The following CCDC7 variants were observed in gnomAD, a reference collection of about 807,000 sequenced individuals.
CCDC7 encodes coiled-coil domain-containing protein 7.
A neutral mutation model predicts 196.9 loss-of-function variants in CCDC7; 183 were observed. That is an observed-to-expected ratio of 0.93 (90% confidence interval 0.82 to 1.05). The LOEUF is 1.05. Among genes scored for constraint, CCDC7 ranks in the 50% least tolerant of loss-of-function variants. CCDC7 has a pLI of 0.00. For missense variants in CCDC7, 1,540 were observed against 1,482.2 expected (o/e 1.04, Z -0.64); for synonymous variants, 525 against 484.6 (o/e 1.08, Z -1.10).
At chr10:32,814,540 A>T in intron 31 of CCDC7, 87 bp downstream of exon 32, 5 of 901,694 alleles carry the variant, frequency 5.5e-6, no homozygotes, top group Non-Finnish European at 8.8e-6. Flanking sequence ...TAAGGAGAAC[A>T]GTGCCTATGA....
chr10:32,716,168 C>A (rs2081542732), intron 25 of CCDC7, among the ~76,000 whole-genome samples: 1 of 152,128 alleles, frequency 6.6e-6, no homozygotes. Flanking sequence ...GTCAGGTTAC[C>A]CACAAAGGGA....
intron 5 of CCDC7, among the ~76,000 whole-genome samples, chr10:32,467,392 G>A (rs1244363270): frequency 7.9e-5 from 12 of 151,986 alleles, no homozygotes; most frequent in African/African-American, 2.9e-4. Context: ...GATTACAGGC[G>A]TGAGCCACTG....
chr10:32,561,826 C>T lies in CCDC7; in HGVS notation c.1135-3732C>T, dbSNP rs1296060218. ...AGAGCAGAACTGAAGGAAATAGAGA[C>T]ACAAAAAACCCTTCAAAAAATTAGT... On this transcript the variant is annotated intron_variant, in intron 13 of 41. Coordinates refer to ENST00000639629, the Ensembl canonical transcript of CCDC7. 2.6e-5 allele frequency among the ~76,000 whole-genome samples: 4 copies of T among 151,988 alleles called. No individual in the cohort carries two copies. The South Asian group carries it at 6.2e-4, about 24-fold the overall frequency.
At chr10:32,730,550 AAAT>A (rs1298906493) in intron 28 of CCDC7, among the ~76,000 whole-genome samples, 33 of 151,950 alleles carry the variant, frequency 2.2e-4, no homozygotes, top group Non-Finnish European at 3.2e-4. Flanking sequence ...GTAGTAAATA[AAAT>A]AATAATGTTT....
intron 18 of CCDC7, chr10:32,623,871 A>G (rs2063683753): frequency 4.5e-6 from 2 of 442,714 alleles, no homozygotes; most frequent in African/African-American, 4.0e-5. Context: ...GTGAACAACC[A>G]GATTTCGCCT....
chr10:32,728,939 G>A (rs764475164), exon 27 of CCDC7: 7 of 1,609,732 alleles, frequency 4.3e-6, no homozygotes, highest in Admixed American at 3.3e-5. Context: ...AAGATTCAAA[G>A]TCAAAACTCC....
chr10:32,675,876 A>G (rs1243505293), intron 21 of CCDC7: 1 of 152,014 alleles, frequency 6.6e-6, no homozygotes, highest in Non-Finnish European at 1.5e-5. Flanking sequence ...CAGAATTGGA[A>G]AAAACTACTT....
intron 33 of CCDC7, among the ~76,000 whole-genome samples, chr10:32,840,067 T>TA (rs1441784379): frequency 6.6e-6 from 1 of 151,808 alleles, no homozygotes; most frequent in East Asian, 1.9e-4. Context: ...AGAGCACAAA[T>TA]AGACAATCTA....
At chr10:32,880,243 T>C (rs2094740678), downstream of CCDC7, among the ~76,000 whole-genome samples, 1 of 152,170 alleles carries the variant, frequency 6.6e-6, no homozygotes, top group Non-Finnish European at 1.5e-5. Context: ...TAATCGCCAT[T>C]CTGACTGGTG....
At chr10:32,823,427 A>G (rs543303358) in intron 31 of CCDC7, among the ~76,000 whole-genome samples, 2 of 152,316 alleles carry the variant, frequency 1.3e-5, no homozygotes, top group African/African-American at 4.8e-5. Context: ...GGCATGAGCC[A>G]CTGCACCTGG....
chr10:32,689,033 A>G lies in CCDC7; in HGVS notation c.2234-20A>G. On this transcript the variant is annotated intron_variant, in intron 22 of 41. Coordinates refer to ENST00000639629, the Ensembl canonical transcript of CCDC7. ...GGATTTATTTGTAATTTAGCGGACT[A>G]AACACATCTTTTTCTGTAGCTCCTG... The G allele has an allele frequency of 6.9e-7, 1 of 1,440,436 alleles. No homozygotes were observed. The highest frequency in any genetic ancestry group is 9.7e-7 in the Non-Finnish European group (1 of 1,026,912). The allele number at this position is 1,440,436 out of a possible 1,614,324, so 89.2% of individuals were successfully genotyped here.
chr10:32,763,237 C>G (rs898991729), intron 28 of CCDC7, among the ~76,000 whole-genome samples: 1 of 151,792 alleles, frequency 6.6e-6, no homozygotes. Context: ...ATGAAACATA[C>G]AAATGGTCAA....
chr10:32,747,779 G>A (rs1256817264), intron 28 of CCDC7, among the ~76,000 whole-genome samples: 3 of 152,160 alleles, frequency 2.0e-5, no homozygotes, highest in South Asian at 2.1e-4. Flanking sequence ...AATTAGTTCA[G>A]CCACTCTGGG....
chr10:32,693,447 T>C (rs562080152), intron 23 of CCDC7, among the ~76,000 whole-genome samples: 16 of 152,274 alleles, frequency 1.1e-4, no homozygotes, highest in South Asian at 4.1e-4. Flanking sequence ...GGCATTCAAG[T>C]TTTCCCCTTC....
At chr10:32,730,794 T>A (rs1279900664) in intron 28 of CCDC7, among the ~76,000 whole-genome samples, 2 of 151,982 alleles carry the variant, frequency 1.3e-5, no homozygotes, top group Non-Finnish European at 2.9e-5. Flanking sequence ...AGATGAGGTA[T>A]TAGATGAAAA....
rs555746814 is a variant in CCDC7, at chr10:32,693,144, G to C, written c.2345-1735G>C. Among the ~76,000 whole-genome samples the C allele has an allele frequency of 3.3e-5, 5 of 152,142 alleles. No individual in the cohort carries two copies. In the South Asian group the frequency reaches 1.0e-3, roughly 32 times the overall value. On this transcript the variant is annotated intron_variant, in intron 23 of 41. Coordinates refer to ENST00000639629, the Ensembl canonical transcript of CCDC7. ...TTACTGCTTTTATTTTTTCTTCAAT[G>C]ATTTCATTTCATTATTTCCTTTTAA...
chr10:32,460,562 C>G (rs574996043), intron 3 of CCDC7, among the ~76,000 whole-genome samples: 1 of 152,174 alleles, frequency 6.6e-6, no homozygotes, highest in African/African-American at 2.4e-5. Context: ...TTGAGAACCC[C>G]GGAATCTTTC....
chr10:32,718,505 A>T (rs993843746), intron 25 of CCDC7, among the ~76,000 whole-genome samples: 1 of 152,120 alleles, frequency 6.6e-6, no homozygotes. Flanking sequence ...TCAACATAGT[A>T]TTGGAAGTTC....
At chr10:32,686,011 C>A (rs2076426697) in exon 22 of CCDC7, 7 of 1,589,356 alleles carry the variant, frequency 4.4e-6, no homozygotes, top group Middle Eastern at 1.7e-4. Flanking sequence ...AGTTGAGCAT[C>A]AAGAATCATT....
Sources: gnomAD v4.1 joint callset for allele counts (sites outside exome capture counted in the v4.1 genomes callset) on GRCh38, gnomAD v4.1.1 for gene constraint, MANE v1.5 for transcripts, NCBI Gene and HGNC (gene_info 2026-07-23, HGNC 2026-07-21) for gene names.